NRXN3: variants seen among roughly 807,000 people sequenced by gnomAD.
NRXN3 encodes neurexin 3, also known as neurexin III.
A neutral mutation model predicts 137.6 loss-of-function variants in NRXN3; 32 were observed. The observed-to-expected ratio is 0.23, with a 90% CI of 0.18 to 0.31. The LOEUF (loss-of-function observed/expected upper bound fraction) is 0.31. Among genes scored for constraint, NRXN3 ranks in the 10% least tolerant of loss-of-function variants. The probability of loss-of-function intolerance (pLI) is 1.00; values close to 1 mark genes in which losing one functional copy is unlikely to be tolerated. For missense variants in NRXN3, 1,574 were observed against 2,062.5 expected (o/e 0.76, Z 4.59); for synonymous variants, 798 against 784.5 (o/e 1.02, Z -0.29).
chr14:79,680,516 T>C (rs1002064449), intron 17 of NRXN3, among the ~76,000 whole-genome samples: 2 of 152,162 alleles, frequency 1.3e-5, no homozygotes, highest in East Asian at 1.9e-4. Flanking sequence ...TTTGTTTCTA[T>C]TGTTGTGTGT....
chr14:78,327,376 C>A (rs2080234469), intron 4 of NRXN3, among the ~76,000 whole-genome samples: 1 of 152,140 alleles, frequency 6.6e-6, no homozygotes. Context: ...AACACTGGCT[C>A]ATCTCCTGAG....
At chr14:78,191,058 C>T (rs2060684888) in intron 1 of NRXN3, among the ~76,000 whole-genome samples, 1 of 152,066 alleles carries the variant, frequency 6.6e-6, no homozygotes, top group Admixed American at 6.5e-5. Context: ...ATGAAATTTC[C>T]TCAGAAAAGT....
intron 10 of NRXN3, among the ~76,000 whole-genome samples, chr14:78,932,051 A>G (rs1233698241): frequency 1.3e-5 from 2 of 152,110 alleles, no homozygotes; most frequent in African/African-American, 2.4e-5. Flanking sequence ...GAGGCAGGAG[A>G]ATCTCTTGAA....
chr14:79,688,422 T>C (rs1021680389), intron 17 of NRXN3, among the ~76,000 whole-genome samples: 3 of 152,156 alleles, frequency 2.0e-5, no homozygotes, highest in African/African-American at 7.2e-5. Flanking sequence ...ATAGGACCCA[T>C]GTTTGGACCA....
At chr14:79,284,012 G>A (rs1463312206) in intron 15 of NRXN3, among the ~76,000 whole-genome samples, 2 of 151,530 alleles carry the variant, frequency 1.3e-5, no homozygotes, top group Non-Finnish European at 2.9e-5. Flanking sequence ...ATCCCTCCAG[G>A]TTCCTTTTCA....
At chr14:79,267,415 G>A (rs2078609380) in intron 15 of NRXN3, among the ~76,000 whole-genome samples, 1 of 149,308 alleles carries the variant, frequency 6.7e-6, no homozygotes, top group African/African-American at 2.5e-5. Context: ...CTGGAGTGTA[G>A]TGGTGCAATC....
At chr14:79,407,390 C>T (rs2095335420) in intron 15 of NRXN3, among the ~76,000 whole-genome samples, 1 of 152,114 alleles carries the variant, frequency 6.6e-6, no homozygotes, top group Admixed American at 6.6e-5. Context: ...GCTTCCCATG[C>T]CTTCATATAC....
chr14:79,044,642 T>C (rs1432944702), intron 15 of NRXN3, among the ~76,000 whole-genome samples: 1 of 152,114 alleles, frequency 6.6e-6, no homozygotes, highest in Admixed American at 6.5e-5. Context: ...AGTGTTTACA[T>C]CTGCTTTACC....
intron 15 of NRXN3, among the ~76,000 whole-genome samples, chr14:79,320,934 A>G (rs914171881): frequency 2.6e-5 from 4 of 152,010 alleles, no homozygotes; most frequent in Admixed American, 2.0e-4. Flanking sequence ...TACCTATCAC[A>G]GTACTTGGTC....
intron 19 of NRXN3, among the ~76,000 whole-genome samples, chr14:79,789,204 A>T (rs1179071338): frequency 6.6e-6 from 1 of 152,186 alleles, no homozygotes; most frequent in East Asian, 1.9e-4. Flanking sequence ...GTTCATTAAC[A>T]GGAGGAGGTA....
chr14:79,090,626 C>T (rs2048981772), intron 15 of NRXN3, among the ~76,000 whole-genome samples: 1 of 152,068 alleles, frequency 6.6e-6, no homozygotes, highest in Admixed American at 6.6e-5. Flanking sequence ...CCCACCCCTA[C>T]CCCATCCTAT....
At chr14:78,422,220 G>C (rs1229117698) in intron 4 of NRXN3, among the ~76,000 whole-genome samples, 1 of 152,180 alleles carries the variant, frequency 6.6e-6, no homozygotes, top group Non-Finnish European at 1.5e-5. Flanking sequence ...ACTTCCCCAG[G>C]TAACCTTCCC....
At chr14:78,600,810 T>C (rs553803722) in intron 4 of NRXN3, among the ~76,000 whole-genome samples, 1 of 152,294 alleles carries the variant, frequency 6.6e-6, no homozygotes, top group Admixed American at 6.5e-5. Flanking sequence ...TATCCTCTGC[T>C]CCACAAAAGT....
intron 15 of NRXN3, among the ~76,000 whole-genome samples, chr14:79,193,117 T>A (rs1264614036): frequency 1.5e-5 from 2 of 136,872 alleles, no homozygotes; most frequent in Non-Finnish European, 3.1e-5. Context: ...CCCTATGGCT[T>A]TGTCATAGAA....
chr14:78,831,949 G>GT (rs1317887059), intron 10 of NRXN3, among the ~76,000 whole-genome samples: 2 of 151,984 alleles, frequency 1.3e-5, no homozygotes, highest in African/African-American at 4.8e-5. Context: ...GTGTCTTGGT[G>GT]TACAAGAGTG....
intron 2 of NRXN3, among the ~76,000 whole-genome samples, chr14:78,270,731 A>C (rs907245370): frequency 2.0e-5 from 3 of 152,204 alleles, no homozygotes; most frequent in African/African-American, 7.2e-5. Context: ...CTTTATATGG[A>C]TTATTTCACT....
intron 16 of NRXN3, among the ~76,000 whole-genome samples, chr14:79,554,200 G>A (rs527574712): frequency 2.0e-5 from 3 of 152,196 alleles, no homozygotes; most frequent in Admixed American, 6.6e-5. Flanking sequence ...AAAGGACACC[G>A]GAGGATTCCT....
intron 4 of NRXN3, among the ~76,000 whole-genome samples, chr14:78,632,793 C>T (rs2097533120): frequency 1.3e-5 from 2 of 152,124 alleles, no homozygotes; most frequent in Non-Finnish European, 2.9e-5. Flanking sequence ...ACTCTTGTAA[C>T]TTTAAATCAC....
rs942208193 is a variant in NRXN3 at position 78,244,436 on chromosome 14, A to G, written c.709+634A>G. Among the ~76,000 whole-genome samples the G allele has an allele frequency of 2.0e-5, 3 of 148,748 alleles. 1 individual carries two copies. The highest frequency in any genetic ancestry group is 4.2e-4 in the South Asian group (2 of 4,712). The stretch of plus-strand genomic sequence containing the variant: ...CAGAGTGAGACTGTCTCAAAAAAGA[A>G]AAAAAAAAAAAAGAAAAGAAATTGG... On this transcript the variant is annotated intron_variant, in intron 2 of 20. Transcript: ENST00000335750.
Sources: gnomAD v4.1 joint callset for allele counts (sites outside exome capture counted in the v4.1 genomes callset) on GRCh38, gnomAD v4.1.1 for gene constraint, MANE v1.5 for transcripts, NCBI Gene and HGNC (gene_info 2026-07-23, HGNC 2026-07-21) for gene names.